The following SGCZ variants were observed in gnomAD, a reference collection of about 807,000 sequenced individuals.
SGCZ encodes the protein zeta-sarcoglycan.
In SGCZ, 40 loss-of-function variants were observed where a neutral mutation model predicts 41.3. That is an observed-to-expected ratio of 0.97 (90% CI 0.75 to 1.26). The LOEUF is 1.26. Ranked by LOEUF, SGCZ falls within the 50% of genes most tolerant of loss-of-function variation. SGCZ has a pLI of 0.00. For synonymous variants in SGCZ, 206 were observed against 137.5 expected (o/e 1.50, Z -3.49); for missense variants, 552 against 369.8 (o/e 1.49, Z -4.04).
At chr8:15,034,919 T>C (rs938424231) in intron 1 of SGCZ, among the ~76,000 whole-genome samples, 31 of 152,140 alleles carry the variant, frequency 2.0e-4, no homozygotes, top group African/African-American at 6.0e-4. Flanking sequence ...ACTGAAGTAA[T>C]TCAGTACCAT....
intron 3 of SGCZ, among the ~76,000 whole-genome samples, chr8:14,283,826 G>A (rs886922690): frequency 1.7e-4 from 26 of 152,134 alleles, no homozygotes; most frequent in African/African-American, 6.3e-4. Context: ...AATGTCCACT[G>A]CTACTTTACA....
chr8:15,227,518 G>C (rs1287571770), intron 1 of SGCZ, among the ~76,000 whole-genome samples: 1 of 152,168 alleles, frequency 6.6e-6, no homozygotes, highest in Non-Finnish European at 1.5e-5. Flanking sequence ...CATCAGTTAA[G>C]TCAAATGTTC....
intron 3 of SGCZ, among the ~76,000 whole-genome samples, chr8:14,275,508 A>T (rs548776048): frequency 1.2e-4 from 19 of 152,174 alleles, no homozygotes; most frequent in Admixed American, 3.3e-4. Flanking sequence ...TCTCTGTTTG[A>T]TCACTCAGCA....
intron 5 of SGCZ, among the ~76,000 whole-genome samples, chr8:14,153,157 T>C (rs1803761449): frequency 6.6e-6 from 1 of 152,186 alleles, no homozygotes; most frequent in Admixed American, 6.5e-5. Flanking sequence ...GATGTTACCA[T>C]TGAGAAAAAC....
intron 1 of SGCZ, among the ~76,000 whole-genome samples, chr8:15,115,899 A>C (rs2116939290): frequency 6.6e-6 from 1 of 152,378 alleles, no homozygotes; most frequent in East Asian, 1.9e-4. Flanking sequence ...AGAAAACAGT[A>C]CCAGTTAAAC....
At chr8:14,444,314 A>G (rs913508808) in intron 2 of SGCZ, among the ~76,000 whole-genome samples, 3 of 152,164 alleles carry the variant, frequency 2.0e-5, no homozygotes, top group African/African-American at 7.2e-5. Flanking sequence ...ATTACTGGGT[A>G]TATACCCAAA....
intron 1 of SGCZ, among the ~76,000 whole-genome samples, chr8:14,788,431 T>A (rs1800842580): frequency 6.6e-6 from 1 of 152,180 alleles, no homozygotes; most frequent in Non-Finnish European, 1.5e-5. Context: ...GGAAATCAAA[T>A]GACACAAAAA....
At chr8:15,067,164 G>C (rs1057016359) in intron 1 of SGCZ, among the ~76,000 whole-genome samples, 1 of 152,040 alleles carries the variant, frequency 6.6e-6, no homozygotes, top group African/African-American at 2.4e-5. Flanking sequence ...ATAATCTCCA[G>C]TCATTTATTT....
At chr8:14,742,958 T>A (rs1799235922) in intron 1 of SGCZ, among the ~76,000 whole-genome samples, 1 of 152,154 alleles carries the variant, frequency 6.6e-6, no homozygotes, top group Non-Finnish European at 1.5e-5. Flanking sequence ...CATAGGAAAC[T>A]GCGTTTGCTA....
rs549339886 is a variant in SGCZ, at chr8:14,180,028, C to T, written c.425-15326G>A. Among the ~76,000 whole-genome samples, 12 of 152,226 alleles carry T rather than the reference C, an allele frequency of 7.9e-5. No individual in the cohort carries two copies. In the South Asian group the frequency reaches 1.2e-3, roughly 16 times the overall value. The stretch of plus-strand genomic sequence containing the variant: ...CCAGAGATGCCAAAGGGATATATTG[C>T]GATTTGTGGCAAAAATAACCAATGA... On this transcript the variant is annotated intron_variant, in intron 4 of 7. Coordinates refer to ENST00000382080, the MANE Select transcript of SGCZ (RefSeq NM_139167.4).
chr8:15,077,449 G>C lies in SGCZ; in HGVS notation c.39+160136C>G, dbSNP rs962909789. The stretch of plus-strand genomic sequence containing the variant: ...AAGAATTAGATTAGCAAAAGCACTA[G>C]ACAATCCTTAACTTTTTAGCATATG... On this transcript the variant is annotated intron_variant, in intron 1 of 7. Transcript: ENST00000382080. Among the ~76,000 whole-genome samples, 5 of 152,320 alleles carry C rather than the reference G, an allele frequency of 3.3e-5. No individual in the cohort carries two copies. In the East Asian group the frequency reaches 9.6e-4, roughly 29 times the overall value.
chr8:14,793,967 T>C (rs982170818), intron 1 of SGCZ, among the ~76,000 whole-genome samples: 1 of 152,170 alleles, frequency 6.6e-6, no homozygotes, highest in African/African-American at 2.4e-5. Context: ...ACCAGCCAGA[T>C]TATATCCTCC....
chr8:14,591,225 C>G (rs1271389835), intron 1 of SGCZ, among the ~76,000 whole-genome samples: 1 of 151,690 alleles, frequency 6.6e-6, no homozygotes, highest in Non-Finnish European at 1.5e-5. Flanking sequence ...AAATTTGATC[C>G]TTCTTTTTAA....
chr8:14,956,222 T>C (rs1195791795), intron 1 of SGCZ, among the ~76,000 whole-genome samples: 1 of 151,894 alleles, frequency 6.6e-6, no homozygotes, highest in African/African-American at 2.4e-5. Context: ...GTATATTTAG[T>C]AGAGATGGAG....
At chr8:14,161,725 G>C (rs1804051053) in intron 5 of SGCZ, among the ~76,000 whole-genome samples, 1 of 152,116 alleles carries the variant, frequency 6.6e-6, no homozygotes, top group Non-Finnish European at 1.5e-5. Context: ...AGGGGTGTCT[G>C]AGATAATTGG....
chr8:14,343,946 G>T (rs1036758364), intron 2 of SGCZ, among the ~76,000 whole-genome samples: 1 of 151,968 alleles, frequency 6.6e-6, no homozygotes, highest in South Asian at 2.1e-4. Context: ...TCACATATTG[G>T]TTCAAAATAA....
chr8:14,726,522 G>A (rs1178315412), intron 1 of SGCZ, among the ~76,000 whole-genome samples: 3 of 151,454 alleles, frequency 2.0e-5, no homozygotes, highest in Admixed American at 2.0e-4. Flanking sequence ...TATTATGATA[G>A]AGGCACAGTA....
rs547294361 is a variant in SGCZ, at chr8:14,397,279, A to C, written c.235-73075T>G. Among the ~76,000 whole-genome samples the C allele has an allele frequency of 6.6e-5, 10 of 152,270 alleles. No individual in the cohort carries two copies. The South Asian group carries it at 2.1e-3, about 32-fold the overall frequency. On this transcript the variant is annotated intron_variant, in intron 2 of 7. Transcript: ENST00000382080. ...ATTTGATAAAAGTTAAGGATGTTCG[A>C]ATATAGTATTTCTGATGTAAAAACA...
At chr8:14,850,302 G>T (rs929423676) in intron 1 of SGCZ, among the ~76,000 whole-genome samples, 1 of 152,134 alleles carries the variant, frequency 6.6e-6, no homozygotes, top group Non-Finnish European at 1.5e-5. Context: ...CATGAGAATG[G>T]CATAGTCATG....
Sources: gnomAD v4.1 joint callset for allele counts (sites outside exome capture counted in the v4.1 genomes callset) on GRCh38, gnomAD v4.1.1 for gene constraint, MANE v1.5 for transcripts, NCBI Gene and HGNC (gene_info 2026-07-23, HGNC 2026-07-21) for gene names.